LRRTM1: variants seen among roughly 807,000 people sequenced by gnomAD.
LRRTM1 encodes leucine-rich repeat transmembrane neuronal protein 1.
LRRTM1 carries 8 observed loss-of-function variants against 37.3 expected under a neutral mutation model. That is an observed-to-expected ratio of 0.21 (90% confidence interval 0.13 to 0.39). The LOEUF is 0.39. LRRTM1 is among the 10% of genes least tolerant of loss of function. LRRTM1 has a pLI of 1.00. For synonymous variants in LRRTM1, 326 were observed against 316.8 expected (o/e 1.03, Z -0.31); for missense variants, 557 against 691.0 (o/e 0.81, Z 2.17).
rs749396485 is a variant in LRRTM1, at chr2:80,303,709, G to C, written c.111C>G (p.Ser37Arg). 1 of 1,608,040 alleles carries C rather than the reference G, an allele frequency of 6.2e-7. No individual in the cohort carries two copies. The highest frequency in any genetic ancestry group is 1.7e-5 in the Admixed American group (1 of 59,544). The change falls in exon 2 of 2, where the codon AGC becomes AGG. Residue 37 changes from serine (S) to arginine (R), a missense_variant. Transcript: ENST00000295057. The surrounding 1 kb of genome is among the most constrained non-coding windows in gnomAD (Gnocchi z 7.7). ...CGCACCGGCACAGCTGCGGGCACCCGCTGGGGGCGGCGGGCAGCATCTGAA... is the reference window on the plus strand; with the variant it reads ...CGCACCGGCACAGCTGCGGGCACCCCCTGGGGGCGGCGGGCAGCATCTGAA... ...ACFQMLPAAP[S>R]GCPQLCRCEG... is the part of the protein sequence containing the mutation.
In LRRTM1 at chr2:80,302,404, C is replaced by T. The variant is rs1316592309; in HGVS notation, c.1416G>A (p.Lys472=). ...QCFVTQRRKQ[K]QKQTMHQMAA... The stretch of plus-strand genomic sequence containing the variant: ...CCATCTGATGCATGGTCTGTTTCTG[C>T]TTTTGCTTCCTGCGCTGCGTGACAA... The change falls in exon 2 of 2, where the codon AAG becomes AAA. Residue 472 remains lysine, a synonymous_variant. Transcript: ENST00000295057. This position sits in a 1 kb window ranked among gnomAD's most constrained non-coding sequence, Gnocchi z 6.4. 1.9e-6 allele frequency: 3 copies of T among 1,614,268 alleles called. No individual in the cohort carries two copies. Among genetic ancestry groups the T allele is most frequent in the Admixed American group, 1.7e-5 (1 of 60,030 alleles).
intron 2 of LRRTM1, among the ~76,000 whole-genome samples, chr2:80,295,167 C>T (rs1286089282): frequency 6.6e-6 from 1 of 151,792 alleles, no homozygotes; most frequent in Non-Finnish European, 1.5e-5. Context: ...TCTCTCAATT[C>T]CTAATATCCA....
intron 2 of LRRTM1, among the ~76,000 whole-genome samples, chr2:80,291,464 G>A (rs1234965688): frequency 6.6e-6 from 1 of 152,216 alleles, no homozygotes; most frequent in Non-Finnish European, 1.5e-5. Context: ...TCCTCTGCCA[G>A]AAGAAAGGGT....
chr2:80,302,598 G>T lies in LRRTM1; in HGVS notation c.1222C>A (p.Pro408Thr), dbSNP rs1438704548. ...GEGQHDGTFE[P>T]ATVALPGGEH... is the part of the protein sequence containing the mutation. Reference sequence around the variant, plus strand: ...CCGCCTGGAAGAGCCACGGTGGCAGGCTCGAATGTGCCGTCGTGCTGCCCC... The same window carrying T: ...CCGCCTGGAAGAGCCACGGTGGCAGTCTCGAATGTGCCGTCGTGCTGCCCC... Residue 408 changes from proline to threonine, a missense_variant, in exon 2 of 2, where the codon CCT becomes ACT. Transcript: ENST00000295057. This position sits in a 1 kb window ranked among gnomAD's most constrained non-coding sequence, Gnocchi z 6.4. 1.2e-6 allele frequency: 2 copies of T among 1,606,272 alleles called. No individual in the cohort carries two copies. Among genetic ancestry groups the T allele is most frequent in the African/African-American group, 1.3e-5 (1 of 75,026 alleles).
At chr2:80,292,545 C>A (rs1379756350) in intron 2 of LRRTM1, among the ~76,000 whole-genome samples, 1 of 152,118 alleles carries the variant, frequency 6.6e-6, no homozygotes, top group Non-Finnish European at 1.5e-5. Context: ...GGTTGCCAGG[C>A]ACCTAGCAAG....
At chr2:80,300,616 T>TTC (rs947612134), downstream of LRRTM1, among the ~76,000 whole-genome samples, 10 of 151,890 alleles carry the variant, frequency 6.6e-5, 1 homozygote, top group Non-Finnish European at 1.3e-4. Context: ...CTATTTGGAC[T>TTC]TCTCTCTCTC....
chr2:80,302,783 T>G lies in LRRTM1; in HGVS notation c.1037A>C (p.Glu346Ala). The G allele has an allele frequency of 1.2e-6, 2 of 1,613,460 alleles. No individual in the cohort carries two copies. The highest frequency in any genetic ancestry group is 1.7e-6 in the Non-Finnish European group (2 of 1,179,884). The change falls in exon 2 of 2, where the codon GAG (glutamate) becomes GCG (alanine). Residue 346 changes from glutamate (E) to alanine (A), a missense_variant. This residue lies in a region of LRRTM1 where 200 missense variants were observed against 249.9 expected (regional missense o/e 0.80). Transcript: ENST00000295057. This position sits in a 1 kb window ranked among gnomAD's most constrained non-coding sequence, Gnocchi z 6.4. ...CAGGACGTCCTCGCCCTGTGCGTAC[T>G]CCGGGCTGGCGCACTGCAAGTTGCC... ...YDGNLQCASPEYAQGEDVLDA... is the reference protein window; with the variant it reads ...YDGNLQCASPAYAQGEDVLDA...
At chr2:80,290,020 C>T (rs942210802) in intron 2 of LRRTM1, among the ~76,000 whole-genome samples, 2 of 152,178 alleles carry the variant, frequency 1.3e-5, no homozygotes, top group Non-Finnish European at 2.9e-5. Context: ...TCTCCTCCCA[C>T]TGCCTTAAAT....
chr2:80,299,986 C>T (rs973087277), downstream of LRRTM1, among the ~76,000 whole-genome samples: 3 of 152,084 alleles, frequency 2.0e-5, no homozygotes, highest in South Asian at 2.1e-4. Context: ...AAAGGTATGC[C>T]GTCTTCTAGA....
downstream of LRRTM1, among the ~76,000 whole-genome samples, chr2:80,300,281 GGT>G (rs70940079): frequency 0.11 from 10,588 of 92,744 alleles, 446 homozygotes; most frequent in East Asian, 0.3. Flanking sequence ...GGGGTGTTGG[GGT>G]GTGTGTGTGT....
In LRRTM1 at chr2:80,302,942, G is replaced by A. The variant is rs1255650596; in HGVS notation, c.878C>T (p.Thr293Ile). 1.2e-6 allele frequency: 2 copies of A among 1,614,024 alleles called. No homozygotes were observed. The highest frequency in any genetic ancestry group is 1.3e-5 in the African/African-American group (1 of 75,010). Residue 293 changes from threonine (T) to isoleucine (I), a missense_variant, in exon 2 of 2, where the codon ACC becomes ATC. By Grantham distance (89) the Thr-to-Ile change is moderately conservative. Around this residue, in one of 5 missense-constraint regions of LRRTM1, gnomAD observed 200 missense variants for 249.9 expected, o/e 0.80. Transcript: ENST00000295057. This position sits in a 1 kb window ranked among gnomAD's most constrained non-coding sequence, Gnocchi z 6.4. ...QSLQLDSNRL[T>I]YIEPRILNSW... ...GTTGAGGATCCGGGGCTCGATGTAG[G>A]TGAGGCGGTTGGAGTCCAGCTGCAG...
intron 2 of LRRTM1, among the ~76,000 whole-genome samples, chr2:80,292,609 CAAG>C (rs1675364174): frequency 6.6e-6 from 1 of 152,136 alleles, no homozygotes; most frequent in African/African-American, 2.4e-5. Flanking sequence ...ATAAATGGAT[CAAG>C]AAGAAGTGGA....
chr2:80,293,364 T>C (rs759548842), intron 2 of LRRTM1, among the ~76,000 whole-genome samples: 6 of 152,240 alleles, frequency 3.9e-5, no homozygotes, highest in African/African-American at 1.2e-4. Flanking sequence ...GTTTGCAATA[T>C]TGAGAGTTCT....
At chr2:80,300,940 C>A (rs1169213230), downstream of LRRTM1, among the ~76,000 whole-genome samples, 1 of 151,026 alleles carries the variant, frequency 6.6e-6, no homozygotes, top group African/African-American at 2.4e-5. Context: ...AATCATCACT[C>A]TCAACACAGA....
At chr2:80,304,023 A>G (rs1183904203) in intron 1 of LRRTM1, 129 bp downstream of exon 1, 3 of 512,966 alleles carry the variant, frequency 5.8e-6, no homozygotes, top group South Asian at 6.5e-5. Flanking sequence ...GCTGGGCAGC[A>G]TAGAAAGTTC....
chr2:80,298,322 T>C (rs188591643), downstream of LRRTM1: 10 of 152,320 alleles, frequency 6.6e-5, no homozygotes, highest in East Asian at 1.9e-3. Context: ...AGATAATTTA[T>C]GTTTATTTTG....
At chr2:80,298,467 A>G (rs1225626717), downstream of LRRTM1, 1 of 152,182 alleles carries the variant, frequency 6.6e-6, no homozygotes, top group Non-Finnish European at 1.5e-5. Flanking sequence ...GCCCTGTTCT[A>G]CTGGGCCATG....
chr2:80,295,490 C>A (rs1309192874), intron 2 of LRRTM1, among the ~76,000 whole-genome samples: 1 of 152,148 alleles, frequency 6.6e-6, no homozygotes, highest in Non-Finnish European at 1.5e-5. Context: ...TTCAGGCAAG[C>A]CTGATGAATC....
downstream of LRRTM1, chr2:80,298,632 C>T (rs1675971010): frequency 6.6e-6 from 1 of 152,250 alleles, no homozygotes; most frequent in African/African-American, 2.4e-5. Context: ...CTTACATATA[C>T]TCATAAATGT....
Sources: allele counts gnomAD v4.1 joint callset (sites outside exome capture counted in the v4.1 genomes callset), GRCh38; gene constraint gnomAD v4.1.1; regional missense constraint gnomAD v4.1.1; non-coding constraint Gnocchi (gnomAD v3.1); transcripts MANE v1.5; gene names NCBI Gene and HGNC (gene_info 2026-07-23, HGNC 2026-07-21).